CSMD1: variants seen among roughly 807,000 people sequenced by gnomAD.
The protein encoded by CSMD1 is CUB and sushi domain-containing protein 1.
A neutral mutation model predicts 417.5 loss-of-function variants in CSMD1; 213 were observed. That is an observed-to-expected ratio of 0.51 (90% CI 0.46 to 0.57). The LOEUF (loss-of-function observed/expected upper bound fraction) is 0.57. CSMD1 is among the 20% of genes least tolerant of loss of function. CSMD1 has a pLI of 0.00. For synonymous variants in CSMD1, 2,862 were observed against 1,736.8 expected, an observed-to-expected ratio of 1.65 and a Z score of -16.11; for missense variants, 6,923 against 4,529.7, an observed-to-expected ratio of 1.53 and a Z score of -15.17.
chr8:3,485,063 A>G (rs1817947632), intron 11 of CSMD1, among the ~76,000 whole-genome samples: 1 of 152,244 alleles, frequency 6.6e-6, no homozygotes, highest in Admixed American at 6.5e-5. Context: ...ACTCCTAAGT[A>G]ATTTCCAAGA....
At position 4,077,600 on chromosome 8, in the gene CSMD1, C is replaced by T. The variant is rs191618841; in HGVS notation, c.416-45501G>A. Among the ~76,000 whole-genome samples the T allele has an allele frequency of 3.3e-5, 5 of 152,158 alleles. No homozygotes were observed. In the East Asian group the frequency reaches 9.7e-4, roughly 30 times the overall value. Reference sequence around the variant, plus strand: ...GCCTATCAAATTCCTCCTGCTGTCACTTGAACTGCTGGTCATTCAAGGTCA... The same window carrying T: ...GCCTATCAAATTCCTCCTGCTGTCATTTGAACTGCTGGTCATTCAAGGTCA... On this transcript the variant is annotated intron_variant, in intron 3 of 69. Coordinates refer to ENST00000635120, the MANE Select transcript of CSMD1 (RefSeq NM_033225.6).
intron 3 of CSMD1, among the ~76,000 whole-genome samples, chr8:4,149,756 G>T (rs1177404297): frequency 2.0e-5 from 3 of 152,160 alleles, no homozygotes; most frequent in Non-Finnish European, 4.4e-5. Flanking sequence ...CATCCAGCCA[G>T]GCCTTGCTGG....
At chr8:4,390,671 G>A (rs746970131) in intron 3 of CSMD1, among the ~76,000 whole-genome samples, 2 of 151,660 alleles carry the variant, frequency 1.3e-5, no homozygotes, top group East Asian at 3.9e-4. Context: ...CCCCCACCAC[G>A]CCCGGCTAAT....
chr8:4,214,910 G>A (rs191292611), intron 3 of CSMD1, among the ~76,000 whole-genome samples: 1 of 150,046 alleles, frequency 6.7e-6, no homozygotes, highest in Non-Finnish European at 1.5e-5. Context: ...TTTACAACTT[G>A]TTTTTGTTTT....
chr8:4,259,537 G>C (rs904316570), intron 3 of CSMD1, among the ~76,000 whole-genome samples: 1 of 44,398 alleles, frequency 2.3e-5, no homozygotes, highest in African/African-American at 4.1e-5. Flanking sequence ...TTTAAAAAAT[G>C]TCTTTTTTTT....
chr8:4,023,215 C>T (rs1796876557), intron 4 of CSMD1, among the ~76,000 whole-genome samples: 2 of 152,192 alleles, frequency 1.3e-5, no homozygotes, highest in African/African-American at 4.8e-5. Context: ...TCAGGGAAGC[C>T]AGATGTGAAA....
At chr8:3,400,483 T>C (rs1811970898) in intron 15 of CSMD1, among the ~76,000 whole-genome samples, 1 of 152,096 alleles carries the variant, frequency 6.6e-6, no homozygotes, top group East Asian at 1.9e-4. Context: ...AAATGTGAAT[T>C]AGTGAAATTT....
intron 1 of CSMD1, among the ~76,000 whole-genome samples, chr8:4,949,221 A>AT (rs1209540628): frequency 6.6e-6 from 1 of 152,168 alleles, no homozygotes; most frequent in African/African-American, 2.4e-5. Context: ...TTTGTCTATA[A>AT]TTTTTTTAGA....
chr8:4,016,399 G>A (rs538981441), intron 4 of CSMD1, among the ~76,000 whole-genome samples: 2 of 152,110 alleles, frequency 1.3e-5, no homozygotes, highest in African/African-American at 2.4e-5. Flanking sequence ...CGAGCCAGTG[G>A]CAGAGAAGAT....
chr8:4,690,936 C>A (rs1334718220), intron 1 of CSMD1, among the ~76,000 whole-genome samples: 3 of 152,092 alleles, frequency 2.0e-5, no homozygotes, highest in Non-Finnish European at 4.4e-5. Flanking sequence ...ACCATGTTGG[C>A]CAGGCTGGTC....
At chr8:4,050,200 C>T (rs114932389) in intron 3 of CSMD1, among the ~76,000 whole-genome samples, 2 of 152,192 alleles carry the variant, frequency 1.3e-5, no homozygotes, top group African/African-American at 2.4e-5. Context: ...GACTTGATCA[C>T]TTGGCTAGGG....
Position 4,258,759 on chromosome 8 carries a change from T to A in CSMD1, c.415+161194A>T, listed in dbSNP as rs11984934. Among the ~76,000 whole-genome samples, 1,507 of 152,170 alleles carry A rather than the reference T, an allele frequency of 9.9e-3. 22 individuals carry two copies. Among genetic ancestry groups the A allele is most frequent in the African/African-American group, 0.035 (1,433 of 41,520 alleles). On this transcript the variant is annotated intron_variant, in intron 3 of 69. Coordinates refer to ENST00000635120, the MANE Select transcript of CSMD1 (RefSeq NM_033225.6). ...GTATGAGGACACAGACATTTAGTCC[T>A]TAACATTTAGAATGTGTAACCAGCT... is the stretch of plus-strand genomic sequence containing the variant.
At chr8:3,904,731 G>C (rs142333545) in intron 5 of CSMD1, among the ~76,000 whole-genome samples, 154 of 150,386 alleles carry the variant, frequency 1.0e-3, no homozygotes, top group African/African-American at 3.4e-3. Context: ...CGGCCTCCCG[G>C]GTTCAAGTGA....
intron 3 of CSMD1, among the ~76,000 whole-genome samples, chr8:4,126,022 T>C (rs986950110): frequency 3.9e-5 from 6 of 152,000 alleles, no homozygotes; most frequent in African/African-American, 1.4e-4. Context: ...ACTCCATGGA[T>C]CAGCTGATAC....
Position 3,045,026 on chromosome 8 carries a change from G to A in CSMD1, c.7660+7436C>T, listed in dbSNP as rs56853726. ...ATTAAGTGAACAAAAACAATCCCCC[G>A]AATAAAAATTAAATCGGTTTTCCAG... On this transcript the variant is annotated intron_variant, in intron 50 of 69. Transcript: ENST00000635120. Among the ~76,000 whole-genome samples, 1,022 of 152,100 alleles carry A rather than the reference G, an allele frequency of 6.7e-3. 10 individuals are homozygous for A. The highest frequency in any genetic ancestry group is 0.023 in the African/African-American group (959 of 41,500).
rs963681920 is a variant in CSMD1, at chr8:4,462,874, A to G, written c.303-42809T>C. Among the ~76,000 whole-genome samples the G allele has an allele frequency of 2.6e-4, 39 of 152,250 alleles. 1 individual carries two copies. The highest frequency in any genetic ancestry group is 9.2e-4 in the African/African-American group (38 of 41,462). On this transcript the variant is annotated intron_variant, in intron 2 of 69. Transcript: ENST00000635120. ...GCAGCTCAAACTCTTTGAAGAAAAT[A>G]TAGGAGTAAATCTTTGTAACCTGAT...
chr8:4,157,173 T>A (rs993990459), intron 3 of CSMD1, among the ~76,000 whole-genome samples: 1 of 152,052 alleles, frequency 6.6e-6, no homozygotes, highest in Non-Finnish European at 1.5e-5. Flanking sequence ...AGAAGAAGAT[T>A]TTGGGACAAG....
chr8:4,031,893 G>A lies in CSMD1; in HGVS notation c.610+12C>T, dbSNP rs538364493. The stretch of plus-strand genomic sequence containing the variant: ...CTGGAGTCTGCTCACCAGCCCCCTT[G>A]TAGCACTGTACCTCTGCAAAAGGGA... On this transcript the variant is annotated intron_variant, in intron 4 of 69. Coordinates refer to ENST00000635120, the MANE Select transcript of CSMD1 (RefSeq NM_033225.6). The A allele has an allele frequency of 1.1e-5, 18 of 1,604,662 alleles. No homozygotes were observed. In the Admixed American group the frequency reaches 1.3e-4, roughly 12 times the overall value.
chr8:4,867,293 G>A (rs1464016891), intron 1 of CSMD1, among the ~76,000 whole-genome samples: 1 of 151,976 alleles, frequency 6.6e-6, no homozygotes, highest in Non-Finnish European at 1.5e-5. Flanking sequence ...TGTGCTTCTG[G>A]AAAATTAATT....
Sources: allele counts gnomAD v4.1 joint callset (sites outside exome capture counted in the v4.1 genomes callset), GRCh38; gene constraint gnomAD v4.1.1; transcripts MANE v1.5; gene names NCBI Gene and HGNC (gene_info 2026-07-23, HGNC 2026-07-21).